Variants in CC2D1A observed in about 807,000 individuals in gnomAD.
CC2D1A encodes the protein coiled-coil and C2 domain-containing protein 1A.
In CC2D1A, 68 loss-of-function variants were observed where a neutral mutation model predicts 123.8. The ratio of observed to expected loss-of-function variants is 0.55; its 90% CI spans 0.45 to 0.67. The LOEUF is 0.67. CC2D1A is among the 30% of genes least tolerant of loss of function. The pLI is 0.00. For missense variants in CC2D1A, 1,185 were observed against 1,290.3 expected (o/e 0.92, Z 1.25); for synonymous variants, 477 against 528.0 (o/e 0.90, Z 1.32).
At chr19:13,907,093 C>T (rs2145281356) in intron 1 of CC2D1A, among the ~76,000 whole-genome samples, 1 of 152,182 alleles carries the variant, frequency 6.6e-6, no homozygotes, top group East Asian at 1.9e-4. Context: ...GTACATCGGA[C>T]ACTTGACTTT....
intron 14 of CC2D1A, among the ~76,000 whole-genome samples, chr19:13,921,523 A>G (rs1257916754): frequency 6.6e-6 from 1 of 152,180 alleles, no homozygotes; most frequent in Non-Finnish European, 1.5e-5. Context: ...AAAGAAAGAC[A>G]GCCAGGATTC....
chr19:13,919,984 C>T (rs1332306792), intron 12 of CC2D1A, 33 bp downstream of exon 12: 1 of 1,579,432 alleles, frequency 6.3e-7, no homozygotes, highest in South Asian at 1.1e-5. Flanking sequence ...CAGTGGCTCA[C>T]ACCTGTAGTC....
chr19:13,923,513 C>T lies in CC2D1A; in HGVS notation c.1765-35C>T. ...AGCGTGACCCTCCTTCCCCTCTCTT[C>T]CCTTCCCTCGACTCACTGCCTTCTG... On this transcript the variant is annotated intron_variant, in intron 15 of 28. Transcript: ENST00000318003. This position sits in a 1 kb window ranked among gnomAD's most constrained non-coding sequence, Gnocchi z 5.3. 1 of 1,613,930 alleles carries T rather than the reference C, an allele frequency of 6.2e-7. No homozygotes were observed. The highest frequency in any genetic ancestry group is 1.1e-5 in the South Asian group (1 of 91,082).
At chr19:13,910,958 C>T (rs1024917518) in intron 2 of CC2D1A, among the ~76,000 whole-genome samples, 1 of 151,590 alleles carries the variant, frequency 6.6e-6, no homozygotes, top group Non-Finnish European at 1.5e-5. Context: ...AACTACTGTG[C>T]TGTTGGCTGT....
rs767908962 is a variant in CC2D1A at position 13,930,095 on chromosome 19, G to A, written c.2728G>A (p.Glu910Lys). Residue 910 changes from glutamate (E) to lysine (K), a missense_variant, in exon 27 of 29, where the codon GAG becomes AAG. Physicochemically the swap from Glu to Lys is moderately conservative, Grantham distance 56. Transcript: ENST00000318003. The surrounding 1 kb of genome is among the most constrained non-coding windows in gnomAD (Gnocchi z 6.8). ...GIRREYAAQL[E>K]RQLQFYTEAA... ...ATTCTCAGAATACGCAGCCCAGCTG[G>A]AGCGGCAGCTGCAGTTCTACACGGA... 67 of 1,611,758 alleles carry A rather than the reference G, an allele frequency of 4.2e-5. No homozygotes were observed. The East Asian group carries it at 1.4e-3, about 33-fold the overall frequency.
In CC2D1A at chr19:13,913,402, A is replaced by C; in HGVS notation, c.514-2A>C. 6.2e-7 allele frequency: 1 copy of C among 1,613,822 alleles called. No individual in the cohort carries two copies. The highest frequency in any genetic ancestry group is 8.5e-7 in the Non-Finnish European group (1 of 1,179,884). ...CAAACCAATACTCACGCCTTATCTTAGACACTGGAAAACCTGCTCGCCTCC... is the reference window on the plus strand; with the variant it reads ...CAAACCAATACTCACGCCTTATCTTCGACACTGGAAAACCTGCTCGCCTCC... On this transcript the variant is annotated splice_acceptor_variant, in intron 5 of 28. Transcript: ENST00000318003. LOFTEE classifies it high-confidence loss of function.
intron 12 of CC2D1A, chr19:13,920,308 G>T: frequency 1.9e-6 from 1 of 536,650 alleles, no homozygotes. Context: ...CCGGGAGGCA[G>T]AGGTTGCAGT....
In CC2D1A at chr19:13,930,228, CCCATCCCCCACAGGATGCTGCAAA is replaced by C. The variant is rs1477032224; in HGVS notation, c.2788-13_2798del. The C allele has an allele frequency of 1.9e-6, 3 of 1,613,764 alleles. No homozygotes were observed. The highest frequency in any genetic ancestry group is 2.5e-6 in the Non-Finnish European group (3 of 1,179,890). ...GCCTGCAGGGACTACCTGCTGAATG[CCCATCCCCCACAGGATGCTGCAAA>C]GGAGGCGCTCTATAGGCGGAATCTG... On this transcript the variant is annotated splice_acceptor_variant and splice_polypyrimidine_tract_variant and coding_sequence_variant and intron_variant, in exon 28 of 29. Transcript: ENST00000318003. LOFTEE classifies it high-confidence loss of function. This position sits in a 1 kb window ranked among gnomAD's most constrained non-coding sequence, Gnocchi z 6.8.
intron 1 of CC2D1A, 200 bp from the exon 2 acceptor site, chr19:13,909,623 A>C (rs1970920912): frequency 1.4e-6 from 1 of 697,832 alleles, no homozygotes; most frequent in Admixed American, 2.0e-5. Flanking sequence ...CCTTTGCCCC[A>C]GGTTGAACTG....
intron 17 of CC2D1A, 50 bp from the exon 18 acceptor site, chr19:13,926,466 AG>A: frequency 6.4e-7 from 1 of 1,558,960 alleles, no homozygotes; most frequent in Non-Finnish European, 8.8e-7. Flanking sequence ...AGTGGGACTG[AG>A]GTGCCTCTGT....
At chr19:13,911,026 C>T (rs942900108) in intron 2 of CC2D1A, among the ~76,000 whole-genome samples, 10 of 152,042 alleles carry the variant, frequency 6.6e-5, no homozygotes, top group Non-Finnish European at 1.3e-4. Flanking sequence ...CAAACAGAAA[C>T]ACACATAGAG....
Position 13,919,061 on chromosome 19 carries a change from G to A in CC2D1A, c.1149+19G>A, listed in dbSNP as rs1258866531. 5.6e-6 allele frequency: 9 copies of A among 1,603,260 alleles called. No individual in the cohort carries two copies. Among genetic ancestry groups the A allele is most frequent in the African/African-American group, 4.0e-5 (3 of 74,684 alleles). Reference sequence around the variant, plus strand: ...CGTCAAGGTGCCCTGGGGGTTCCGGGGGAGGTGGGGCGAGTGGGCAGCCCG... The same window carrying A: ...CGTCAAGGTGCCCTGGGGGTTCCGGAGGAGGTGGGGCGAGTGGGCAGCCCG... On this transcript the variant is annotated intron_variant, in intron 10 of 28. Coordinates refer to ENST00000318003, the MANE Select transcript of CC2D1A (RefSeq NM_017721.5).
At chr19:13,907,040 A>T (rs1468085291) in intron 1 of CC2D1A, among the ~76,000 whole-genome samples, 1 of 152,176 alleles carries the variant, frequency 6.6e-6, no homozygotes, top group Admixed American at 6.5e-5. Context: ...CTTGGTGTTC[A>T]GATATTAGAG....
At chr19:13,918,405 G>C (rs1705552115) in intron 7 of CC2D1A, 99 bp from the exon 8 acceptor site, 1 of 1,240,544 alleles carries the variant, frequency 8.1e-7, no homozygotes, top group African/African-American at 1.5e-5. Context: ...AAGGGAGGGA[G>C]CTAGAAGTCC....
intron 6 of CC2D1A, among the ~76,000 whole-genome samples, chr19:13,915,277 G>A (rs1248088795): frequency 2.6e-5 from 4 of 152,118 alleles, no homozygotes; most frequent in African/African-American, 9.7e-5. Flanking sequence ...ACGGAGTCTC[G>A]CTCTTGTTTC....
rs1486641832 is a variant in CC2D1A, at chr19:13,920,326, G to C, written c.1357-231G>C. On this transcript the variant is annotated intron_variant, in intron 12 of 28. Coordinates refer to ENST00000318003, the MANE Select transcript of CC2D1A (RefSeq NM_017721.5). ...GGAGGCAGAGGTTGCAGTGAGCCAA[G>C]ATCGTGCTACTGCACTCCAGCCTGG... The C allele has an allele frequency of 1.1e-5, 6 of 544,064 alleles. No homozygotes were observed. The Admixed American group carries it at 2.3e-4, about 21-fold the overall frequency. The allele number at this position is 544,064 out of a possible 1,614,324, so 33.7% of individuals were successfully genotyped here.
intron 12 of CC2D1A, 157 bp from the exon 13 acceptor site, chr19:13,920,398 AGG>A: frequency 1.6e-6 from 1 of 608,444 alleles, no homozygotes; most frequent in Non-Finnish European, 2.8e-6. Context: ...AAAAAAAAAA[AGG>A]TGTTTGGGGC....
intron 6 of CC2D1A, 71 bp from the exon 7 acceptor site, chr19:13,917,999 A>ATAAC: frequency 6.7e-7 from 1 of 1,501,326 alleles, no homozygotes; most frequent in Non-Finnish European, 9.0e-7. Flanking sequence ...AAATAAATAA[A>ATAAC]TAACAAATGG....
intron 11 of CC2D1A, 126 bp from the exon 12 acceptor site, chr19:13,919,690 ATT>A: frequency 1.0e-6 from 1 of 991,028 alleles, no homozygotes; most frequent in South Asian, 3.5e-5. Flanking sequence ...AAAAAAAAAA[ATT>A]AATTAATTAA....
Sources: allele counts gnomAD v4.1 joint callset (sites outside exome capture counted in the v4.1 genomes callset), GRCh38; gene constraint gnomAD v4.1.1; non-coding constraint Gnocchi (gnomAD v3.1); transcripts MANE v1.5; gene names NCBI Gene and HGNC (gene_info 2026-07-23, HGNC 2026-07-21).